FHIT: variants seen among roughly 807,000 people sequenced by gnomAD.
FHIT encodes bis(5'-adenosyl)-triphosphatase.
FHIT carries 19 observed loss-of-function variants against 17.9 expected under a neutral mutation model. The observed-to-expected ratio is 1.06, with a 90% CI of 0.74 to 1.56. FHIT has a LOEUF of 1.56. FHIT is among the 40% of genes most tolerant of loss of function. FHIT has a pLI of 0.00. For missense variants in FHIT, 248 were observed against 189.2 expected (o/e 1.31, Z -1.82); for synonymous variants, 81 against 69.7 (o/e 1.16, Z -0.81).
intron 8 of FHIT, among the ~76,000 whole-genome samples, chr3:59,902,928 G>A (rs968626889): frequency 6.6e-6 from 1 of 152,170 alleles, no homozygotes; most frequent in Admixed American, 6.5e-5. Context: ...TGCTGAGAGA[G>A]TAGATCTTTA....
chr3:60,373,337 TG>T (rs1700415902), intron 5 of FHIT, among the ~76,000 whole-genome samples: 2 of 152,102 alleles, frequency 1.3e-5, no homozygotes, highest in Non-Finnish European at 2.9e-5. Context: ...AATTTGAAAA[TG>T]GCTTGGTAAA....
rs527498588 is a variant in FHIT, at chr3:60,335,572, A to C, written c.103+201288T>G. ...TACAGTGTATGCGGTTCAGGAGGGT[A>C]ACCAATCACCACACATCATCATTGG... On this transcript the variant is annotated intron_variant, in intron 5 of 9. Coordinates refer to ENST00000492590, the MANE Select transcript of FHIT (RefSeq NM_002012.4). 1.1e-3 allele frequency among the ~76,000 whole-genome samples: 175 copies of C among 152,308 alleles called. 1 individual carries two copies. The highest frequency in any genetic ancestry group is 4.1e-3 in the African/African-American group (170 of 41,572).
intron 4 of FHIT, among the ~76,000 whole-genome samples, chr3:60,586,621 G>T (rs1244395625): frequency 6.6e-5 from 10 of 152,034 alleles, no homozygotes; most frequent in Admixed American, 6.6e-4. Context: ...ACTGAATAAA[G>T]AAAATGTTGT....
intron 5 of FHIT, among the ~76,000 whole-genome samples, chr3:60,518,726 A>C (rs2035249469): frequency 6.6e-6 from 1 of 152,178 alleles, no homozygotes; most frequent in South Asian, 2.1e-4. Flanking sequence ...ATTTATATGC[A>C]GGCTGGGTGC....
rs538005703 is a variant in FHIT, at chr3:61,219,048, G to T, written c.-212-18383C>A. On this transcript the variant is annotated intron_variant, in intron 1 of 9. Transcript: ENST00000492590. ...GCCCACTATACACTTATCCTATATG[G>T]TATAGCCTATTGCTCCTAGGTTACA... Among the ~76,000 whole-genome samples the T allele has an allele frequency of 7.2e-5, 11 of 152,236 alleles. No homozygotes were observed. In the South Asian group the frequency reaches 2.1e-3, roughly 29 times the overall value.
At chr3:60,946,756 C>T (rs554389119) in intron 3 of FHIT, among the ~76,000 whole-genome samples, 1 of 152,176 alleles carries the variant, frequency 6.6e-6, no homozygotes, top group South Asian at 2.1e-4. Context: ...CTGTCAGACA[C>T]TGAGAAAAAA....
intron 5 of FHIT, among the ~76,000 whole-genome samples, chr3:60,485,132 G>A (rs564612886): frequency 6.6e-6 from 1 of 152,108 alleles, no homozygotes; most frequent in East Asian, 1.9e-4. Flanking sequence ...AGAATGGTGA[G>A]TACTGAAAAA....
At chr3:60,929,375 G>A (rs1164516338) in intron 3 of FHIT, among the ~76,000 whole-genome samples, 2 of 152,168 alleles carry the variant, frequency 1.3e-5, no homozygotes, top group East Asian at 3.9e-4. Flanking sequence ...AATTAGGCAG[G>A]AGAAGGAAGT....
intron 5 of FHIT, among the ~76,000 whole-genome samples, chr3:60,198,990 C>G (rs1233882792): frequency 6.6e-6 from 1 of 152,144 alleles, no homozygotes; most frequent in Non-Finnish European, 1.5e-5. Context: ...AATATTTACT[C>G]CTTTCTGTAG....
Position 60,411,741 on chromosome 3 carries a change from A to C in FHIT, c.103+125119T>G, listed in dbSNP as rs369234765. Among the ~76,000 whole-genome samples the C allele has an allele frequency of 1.3e-5, 2 of 152,290 alleles. 1 individual carries two copies. ...TAACAAAAAAGAAAATGCTTTCAAC[A>C]AACCTCACATGTTGTATAATCTTGG... is the stretch of plus-strand genomic sequence containing the variant. On this transcript the variant is annotated intron_variant, in intron 5 of 9. Transcript: ENST00000492590.
intron 4 of FHIT, among the ~76,000 whole-genome samples, chr3:60,685,909 T>A (rs1553698310): frequency 6.6e-6 from 1 of 152,224 alleles, no homozygotes; most frequent in African/African-American, 2.4e-5. Flanking sequence ...ATCTTACTAT[T>A]TATGATTTCT....
intron 5 of FHIT, among the ~76,000 whole-genome samples, chr3:60,532,457 T>C (rs547009540): frequency 6.6e-6 from 1 of 152,320 alleles, no homozygotes; most frequent in East Asian, 1.9e-4. Context: ...GGTTCAAATT[T>C]ATTTAAGCCA....
chr3:59,806,324 T>C (rs1575526386), intron 8 of FHIT, among the ~76,000 whole-genome samples: 1 of 152,156 alleles, frequency 6.6e-6, no homozygotes. Flanking sequence ...GTTCTAATTT[T>C]GTAATAAGGT....
At chr3:60,930,908 T>C (rs1179598783) in intron 3 of FHIT, among the ~76,000 whole-genome samples, 3 of 152,208 alleles carry the variant, frequency 2.0e-5, no homozygotes, top group Admixed American at 1.3e-4. Context: ...TAAAGACACA[T>C]GCACACGTGT....
At chr3:60,182,957 A>C (rs992463097) in intron 5 of FHIT, among the ~76,000 whole-genome samples, 2 of 151,564 alleles carry the variant, frequency 1.3e-5, no homozygotes, top group African/African-American at 2.4e-5. Flanking sequence ...GGAGGGTTCC[A>C]CTCCTTTAAA....
intron 5 of FHIT, 77 bp from the exon 6 acceptor site, chr3:60,014,229 T>C: frequency 6.8e-7 from 1 of 1,474,438 alleles, no homozygotes; most frequent in South Asian, 1.2e-5. Flanking sequence ...CCCACAGGAT[T>C]GAATCCTCTC....
chr3:60,631,742 C>T (rs892087200), intron 4 of FHIT, among the ~76,000 whole-genome samples: 1 of 152,232 alleles, frequency 6.6e-6, no homozygotes, highest in Non-Finnish European at 1.5e-5. Flanking sequence ...TGTCGCACGG[C>T]ATCCCCAGAT....
chr3:60,256,149 A>T (rs1705980262), intron 5 of FHIT, among the ~76,000 whole-genome samples: 2 of 151,684 alleles, frequency 1.3e-5, no homozygotes, highest in African/African-American at 2.4e-5. Flanking sequence ...TGTCTTCTTG[A>T]CTCTCCCTTA....
chr3:60,706,515 G>T (rs2041377340), intron 4 of FHIT, among the ~76,000 whole-genome samples: 1 of 152,192 alleles, frequency 6.6e-6, no homozygotes, highest in Admixed American at 6.5e-5. Context: ...AAGTCTTTGG[G>T]TTAGAATGAA....
Sources: allele counts gnomAD v4.1 joint callset (sites outside exome capture counted in the v4.1 genomes callset), GRCh38; gene constraint gnomAD v4.1.1; transcripts MANE v1.5; gene names NCBI Gene and HGNC (gene_info 2026-07-23, HGNC 2026-07-21).